The following UBAP1 variants were observed in gnomAD, a reference collection of about 807,000 sequenced individuals.
The protein encoded by UBAP1 is ubiquitin associated protein 1.
Under a neutral mutation model 39.0 loss-of-function variants are expected in UBAP1, and 5 were observed. The ratio of observed to expected loss-of-function variants is 0.13; its 90% CI spans 0.07 to 0.27. The LOEUF (loss-of-function observed/expected upper bound fraction) is 0.27, where lower values mean the gene tolerates loss of function less well. Ranked by LOEUF, UBAP1 falls within the 10% of genes least tolerant of loss-of-function variation. The pLI, the probability that UBAP1 is intolerant of heterozygous loss-of-function variation, is 1.00. For missense variants in UBAP1, 490 were observed against 608.1 expected, an observed-to-expected ratio of 0.81 and a Z score of 2.04; for synonymous variants, 211 against 225.1, an observed-to-expected ratio of 0.94 and a Z score of 0.56.
intron 1 of UBAP1, among the ~76,000 whole-genome samples, chr9:34,182,191 TA>T (rs771084233): frequency 0.23 from 33,360 of 144,816 alleles, 4,942 homozygotes; most frequent in Non-Finnish European, 0.3. Flanking sequence ...TTTATTTATT[TA>T]TTTATTTATT....
intron 5 of UBAP1, among the ~76,000 whole-genome samples, chr9:34,250,262 C>T (rs1834406268): frequency 1.3e-5 from 2 of 152,208 alleles, no homozygotes; most frequent in African/African-American, 2.4e-5. Context: ...TCAAATGTCT[C>T]TTTCCAGGAA....
chr9:34,238,626 G>A (rs1369292619), intron 3 of UBAP1, among the ~76,000 whole-genome samples: 1 of 152,098 alleles, frequency 6.6e-6, no homozygotes, highest in African/African-American at 2.4e-5. Context: ...AGCATCTTAA[G>A]TATCTTTAAT....
At chr9:34,195,075 G>A (rs540976438) in intron 1 of UBAP1, among the ~76,000 whole-genome samples, 134 of 150,374 alleles carry the variant, frequency 8.9e-4, no homozygotes, top group African/African-American at 3.0e-3. Flanking sequence ...ACACATACAC[G>A]GATTTTTTTC....
At chr9:34,226,105 TTGTGTG>T (rs74180553) in intron 2 of UBAP1, among the ~76,000 whole-genome samples, 2,176 of 88,164 alleles carry the variant, frequency 0.025, 39 homozygotes, top group Admixed American at 0.036. Flanking sequence ...TCCTACTCTA[TTGTGTG>T]TGTGTGTGTG....
At chr9:34,234,176 A>G (rs1833567067) in intron 2 of UBAP1, 40 bp from the exon 3 acceptor site, 1 of 1,567,892 alleles carries the variant, frequency 6.4e-7, no homozygotes, top group Admixed American at 2.0e-5. Flanking sequence ...CAAATAATGA[A>G]GTTCTTTGCT....
intron 1 of UBAP1, among the ~76,000 whole-genome samples, chr9:34,190,360 G>A (rs1830644734): frequency 6.6e-6 from 1 of 152,086 alleles, no homozygotes; most frequent in Non-Finnish European, 1.5e-5. Context: ...TGTGGTCTTG[G>A]CTCACTGCAA....
intron 3 of UBAP1, among the ~76,000 whole-genome samples, chr9:34,234,903 A>G (rs1351265422): frequency 6.6e-6 from 1 of 152,180 alleles, no homozygotes; most frequent in Non-Finnish European, 1.5e-5. Flanking sequence ...AGCCTCAGGT[A>G]GGTCCTTCAG....
At chr9:34,216,347 A>G (rs1039205215) in intron 1 of UBAP1, among the ~76,000 whole-genome samples, 3 of 152,156 alleles carry the variant, frequency 2.0e-5, no homozygotes, top group Non-Finnish European at 4.4e-5. Context: ...ACTCCAAAGG[A>G]GACCCTTACC....
intron 1 of UBAP1, among the ~76,000 whole-genome samples, chr9:34,196,668 C>A (rs1359153628): frequency 6.6e-6 from 1 of 151,774 alleles, no homozygotes; most frequent in African/African-American, 2.4e-5. Context: ...TGATCCTGAA[C>A]TTTTGGCCTC....
chr9:34,213,490 G>T (rs1028359484), intron 1 of UBAP1, among the ~76,000 whole-genome samples: 6 of 152,084 alleles, frequency 3.9e-5, no homozygotes, highest in African/African-American at 1.4e-4. Flanking sequence ...CAGCATGGGC[G>T]ACAGAGCGAG....
intron 3 of UBAP1, among the ~76,000 whole-genome samples, chr9:34,235,307 A>ATATG (rs921062247): frequency 9.3e-4 from 131 of 140,476 alleles, no homozygotes; most frequent in African/African-American, 3.1e-3. Flanking sequence ...GTATATATAT[A>ATATG]TGTGTGTGTG....
chr9:34,204,837 A>T (rs1209994127), intron 1 of UBAP1, among the ~76,000 whole-genome samples: 1 of 151,918 alleles, frequency 6.6e-6, no homozygotes, highest in South Asian at 2.1e-4. Flanking sequence ...TGTTGACATT[A>T]TTTTTTTGCC....
At chr9:34,245,882 T>G (rs1176790137) in intron 4 of UBAP1, among the ~76,000 whole-genome samples, 1 of 149,472 alleles carries the variant, frequency 6.7e-6, no homozygotes, top group Non-Finnish European at 1.5e-5. Flanking sequence ...AAAATTTCAT[T>G]GAAATATATC....
At chr9:34,234,425 A>G (rs2131607758) in intron 3 of UBAP1, 85 bp downstream of exon 3, 3 of 1,451,220 alleles carry the variant, frequency 2.1e-6, no homozygotes, top group Non-Finnish European at 2.8e-6. Flanking sequence ...AGAAAAAATT[A>G]CAGTTGTGAG....
intron 1 of UBAP1, among the ~76,000 whole-genome samples, chr9:34,181,116 CTT>C (rs67856544): frequency 4.7e-4 from 34 of 72,264 alleles, no homozygotes; most frequent in African/African-American, 1.4e-3. Flanking sequence ...GGCCTGTTTT[CTT>C]TTTTTTTTTT....
intron 1 of UBAP1, among the ~76,000 whole-genome samples, chr9:34,208,424 C>T (rs1006549961): frequency 6.7e-6 from 1 of 149,910 alleles, no homozygotes; most frequent in Admixed American, 6.7e-5. Context: ...AGGCAGATCA[C>T]CTGAGGTCAG....
intron 1 of UBAP1, among the ~76,000 whole-genome samples, chr9:34,200,770 A>G (rs1187021352): frequency 6.6e-6 from 1 of 152,156 alleles, no homozygotes; most frequent in African/African-American, 2.4e-5. Context: ...TACTCCACAG[A>G]GTTAGCTGTT....
intron 1 of UBAP1, among the ~76,000 whole-genome samples, chr9:34,207,844 G>A (rs754429322): frequency 1.3e-5 from 2 of 151,870 alleles, no homozygotes; most frequent in Non-Finnish European, 2.9e-5. Context: ...ATAGTTTATC[G>A]TATTCTCTTG....
At position 34,179,258 on chromosome 9, in the gene UBAP1, C is replaced by T. The variant is rs1829881255; in HGVS notation, c.-8+18C>T. ...GCATTCAGGTGAGGGGGGCCTCCCT[C>T]TGGGGGAGGGGGAAGAGGGGCGGAG... On this transcript the variant is annotated intron_variant, in intron 1 of 6. Transcript: ENST00000297661. 4.0e-5 allele frequency: 9 copies of T among 224,944 alleles called. No individual in the cohort carries two copies. The highest frequency in any genetic ancestry group is 2.6e-4 in the East Asian group (1 of 3,848). The allele number at this position is 224,944 out of a possible 1,614,324, so 13.9% of individuals were successfully genotyped here.
Sources: gnomAD v4.1 joint callset for allele counts (sites outside exome capture counted in the v4.1 genomes callset) on GRCh38, gnomAD v4.1.1 for gene constraint, MANE v1.5 for transcripts, NCBI Gene and HGNC (gene_info 2026-07-23, HGNC 2026-07-21) for gene names.